DRG1: variants seen among roughly 807,000 people sequenced by gnomAD.
DRG1 encodes the protein developmentally-regulated GTP-binding protein 1.
A neutral mutation model predicts 38.8 loss-of-function variants in DRG1; 19 were observed. The ratio of observed to expected loss-of-function variants is 0.49; its 90% CI spans 0.34 to 0.72. DRG1 has a LOEUF of 0.72. Ranked by LOEUF, DRG1 falls within the 30% of genes least tolerant of loss-of-function variation. The pLI, the probability that DRG1 is intolerant of heterozygous loss-of-function variation, is 0.01. For missense variants in DRG1, 299 were observed against 444.8 expected, an observed-to-expected ratio of 0.67 and a Z score of 2.95; for synonymous variants, 167 against 157.5, an observed-to-expected ratio of 1.06 and a Z score of -0.45.
chr22:31,420,176 A>C (rs2050068665), intron 4 of DRG1, 80 bp from the exon 5 acceptor site: 3 of 1,503,496 alleles, frequency 2.0e-6, no homozygotes, highest in Non-Finnish European at 2.7e-6. Context: ...TGTAGGGGGA[A>C]AAAACACCTC....
rs776939938 is a variant in DRG1, at chr22:31,424,016, C to T, written c.713+606C>T. Among the ~76,000 whole-genome samples the T allele has an allele frequency of 4.1e-4, 62 of 151,490 alleles. No homozygotes were observed. In the Middle Eastern group the frequency reaches 9.5e-3, roughly 23 times the overall value. On this transcript the variant is annotated intron_variant, in intron 6 of 8. Coordinates refer to ENST00000331457, the MANE Select transcript of DRG1 (RefSeq NM_004147.4). Reference sequence around the variant, plus strand: ...AGTAGCTGGGATTACAGGCCTGTGCCGCCACGCCTGGCTAATTTTGTATTT... The same window carrying T: ...AGTAGCTGGGATTACAGGCCTGTGCTGCCACGCCTGGCTAATTTTGTATTT...
At chr22:31,427,011 CAT>C (rs1347619165) in intron 7 of DRG1, 47 bp from the exon 8 acceptor site, 5 of 1,610,334 alleles carry the variant, frequency 3.1e-6, no homozygotes, top group Non-Finnish European at 4.2e-6. Flanking sequence ...ACATTCAACA[CAT>C]GAGATAGTCT....
At chr22:31,411,294 A>AT (rs2050016781) in intron 4 of DRG1, among the ~76,000 whole-genome samples, 1 of 152,128 alleles carries the variant, frequency 6.6e-6, no homozygotes, top group Admixed American at 6.6e-5. Flanking sequence ...CTAGGCATGT[A>AT]TGGGTATAGA....
intron 4 of DRG1, among the ~76,000 whole-genome samples, chr22:31,413,335 C>T (rs1038558802): frequency 2.0e-5 from 3 of 151,900 alleles, no homozygotes; most frequent in South Asian, 4.2e-4. Flanking sequence ...GCTCAGTGAT[C>T]CTCCTGCCTT....
At chr22:31,401,080 T>C (rs995211036) in intron 2 of DRG1, among the ~76,000 whole-genome samples, 5 of 152,196 alleles carry the variant, frequency 3.3e-5, no homozygotes, top group African/African-American at 1.2e-4. Flanking sequence ...ATGAATATTG[T>C]CTAAGTGTAC....
Position 31,399,627 on chromosome 22 carries a change from G to A in DRG1, c.-57G>A, listed in dbSNP as rs898615697. On this transcript the variant is annotated 5_prime_UTR_variant, in exon 1 of 9. Coordinates refer to ENST00000331457, the MANE Select transcript of DRG1 (RefSeq NM_004147.4). ...GCAGTAGCGCCTGGTGGCGGTGGCA[G>A]TTTGCCCGCGGGTGTGTGAAGGGAG... The A allele has an allele frequency of 1.9e-6, 3 of 1,613,326 alleles. No homozygotes were observed. Among genetic ancestry groups the A allele is most frequent in the Admixed American group, 3.3e-5 (2 of 60,006 alleles).
intron 3 of DRG1, among the ~76,000 whole-genome samples, chr22:31,409,230 G>GT (rs1405277693): frequency 1.3e-5 from 2 of 152,070 alleles, no homozygotes; most frequent in Admixed American, 6.6e-5. Context: ...GATTACAGGT[G>GT]TGTGCCACCA....
At chr22:31,407,249 A>G (rs2145859867) in intron 3 of DRG1, among the ~76,000 whole-genome samples, 1 of 152,290 alleles carries the variant, frequency 6.6e-6, no homozygotes, top group Admixed American at 6.5e-5. Context: ...ATACTTCAAG[A>G]AGATGCAAAT....
rs765563369 is a variant in DRG1, at chr22:31,423,349, G to T, written c.652G>T (p.Asp218Tyr). Residue 218 changes from aspartate (D) to tyrosine (Y), a missense_variant, in exon 6 of 9, where the codon GAT becomes TAT. Coordinates refer to ENST00000331457, the MANE Select transcript of DRG1 (RefSeq NM_004147.4). ...ILAEYKIHNA[D>Y]VTLRSDATAD... The stretch of plus-strand genomic sequence containing the variant: ...GGCTGAATACAAGATTCATAATGCC[G>T]ATGTGACTCTACGTAGTGATGCTAC... 1.9e-6 allele frequency: 3 copies of T among 1,614,010 alleles called. No homozygotes were observed. Among genetic ancestry groups the T allele is most frequent in the Non-Finnish European group, 2.5e-6 (3 of 1,179,988 alleles).
chr22:31,426,672 ATT>A lies in DRG1; in HGVS notation c.772_773del (p.Leu258GlyfsTer5). The A allele has an allele frequency of 6.2e-7, 1 of 1,613,944 alleles. No individual in the cohort carries two copies. The highest frequency in any genetic ancestry group is 1.7e-5 in the Admixed American group (1 of 59,994). Reference sequence around the variant, plus strand: ...AGATTGACCAAATCTCCATTGAGGAATTGGATATCATCTATAAGGTGCCTCAC... The same window carrying A: ...AGATTGACCAAATCTCCATTGAGGAAGGATATCATCTATAAGGTGCCTCAC... ...NKIDQISIEE[L>X]DIIYKVPHCV... On this transcript the variant is annotated frameshift_variant, in exon 7 of 9. Coordinates refer to ENST00000331457, the MANE Select transcript of DRG1 (RefSeq NM_004147.4). LOFTEE classifies it high-confidence loss of function.
intron 5 of DRG1, among the ~76,000 whole-genome samples, chr22:31,420,755 C>T (rs61049980): frequency 0.014 from 2,104 of 152,202 alleles, 54 homozygotes; most frequent in African/African-American, 0.048. Flanking sequence ...GTGCCTACCA[C>T]GGGCCAAGCA....
At position 31,406,531 on chromosome 22, in the gene DRG1, T is replaced by G. The variant is rs555755202; in HGVS notation, c.342+3327T>G. On this transcript the variant is annotated intron_variant, in intron 3 of 8. Coordinates refer to ENST00000331457, the MANE Select transcript of DRG1 (RefSeq NM_004147.4). ...GTTGAAACCCTGTCTCTACTAAAAATAAAAAATTAGCCAGGCATCTTTAAT... is the reference window on the plus strand; with the variant it reads ...GTTGAAACCCTGTCTCTACTAAAAAGAAAAAATTAGCCAGGCATCTTTAAT... Among the ~76,000 whole-genome samples the G allele has an allele frequency of 7.2e-5, 11 of 152,028 alleles. No homozygotes were observed. In the South Asian group the frequency reaches 2.3e-3, roughly 32 times the overall value.
chr22:31,406,557 A>G (rs1162165813), intron 3 of DRG1, among the ~76,000 whole-genome samples: 1 of 151,794 alleles, frequency 6.6e-6, no homozygotes, highest in Non-Finnish European at 1.5e-5. Flanking sequence ...CATCTTTAAT[A>G]CCAGCTCCTA....
intron 8 of DRG1, 83 bp from the exon 9 acceptor site, chr22:31,433,789 T>A: frequency 8.1e-7 from 1 of 1,228,442 alleles, no homozygotes; most frequent in South Asian, 1.3e-5. Flanking sequence ...ATACTAAATC[T>A]GAGCAGAAGG....
At chr22:31,419,099 G>A (rs2050061118) in intron 4 of DRG1, among the ~76,000 whole-genome samples, 1 of 152,082 alleles carries the variant, frequency 6.6e-6, no homozygotes, top group Admixed American at 6.6e-5. Context: ...ATAGGTATGA[G>A]CTCCCGTGCC....
At chr22:31,424,995 G>A (rs963838199) in intron 6 of DRG1, among the ~76,000 whole-genome samples, 7 of 151,040 alleles carry the variant, frequency 4.6e-5, no homozygotes, top group African/African-American at 1.7e-4. Context: ...TAGAGACGGG[G>A]TTTCTCCATG....
intron 3 of DRG1, among the ~76,000 whole-genome samples, chr22:31,408,346 G>A (rs2050000707): frequency 6.7e-6 from 1 of 148,550 alleles, no homozygotes; most frequent in Non-Finnish European, 1.5e-5. Context: ...GTTTCACCAT[G>A]TTGGCCAAGC....
intron 3 of DRG1, among the ~76,000 whole-genome samples, chr22:31,408,482 T>G (rs1409618803): frequency 1.3e-5 from 2 of 151,722 alleles, no homozygotes; most frequent in African/African-American, 2.4e-5. Flanking sequence ...ACACTGTGTC[T>G]CATGCCTATA....
chr22:31,420,395 G>A lies in DRG1; in HGVS notation c.552G>A (p.Lys184=). Residue 184 remains lysine, a synonymous_variant, in exon 5 of 9, where the codon AAG becomes AAA. Transcript: ENST00000331457. ...CCCCCAACATTGGCTTTAAGAAGAA[G>A]GACAAGGGAGGCATTAATCTCACAG... ...SKPPNIGFKK[K]DKGGINLTAT... 1 of 1,614,166 alleles carries A rather than the reference G, an allele frequency of 6.2e-7. No homozygotes were observed. The highest frequency in any genetic ancestry group is 8.5e-7 in the Non-Finnish European group (1 of 1,180,028).
Sources: gnomAD v4.1 joint callset for allele counts (sites outside exome capture counted in the v4.1 genomes callset) on GRCh38, gnomAD v4.1.1 for gene constraint, MANE v1.5 for transcripts, NCBI Gene and HGNC (gene_info 2026-07-23, HGNC 2026-07-21) for gene names.